Variants in BTAF1 observed in about 807,000 individuals in gnomAD.
BTAF1 encodes the protein TATA-binding protein-associated factor 172.
A neutral mutation model predicts 227.1 loss-of-function variants in BTAF1; 38 were observed. That is an observed-to-expected ratio of 0.17 (90% CI 0.13 to 0.22). The LOEUF is 0.22. Among genes scored for constraint, BTAF1 ranks in the 10% least tolerant of loss-of-function variants. The pLI is 1.00. For synonymous variants in BTAF1, 742 were observed against 751.9 expected (o/e 0.99, Z 0.21); for missense variants, 1,598 against 2,204.0 (o/e 0.73, Z 5.51).
Position 91,923,897 on chromosome 10 carries a change from A to T in BTAF1, c.-180A>T. Reference sequence around the variant, plus strand: ...CCCCTGCTTACCGGCCGCCGCGGGGACGAGCTCGGGTAGGCGGCAGGGCAG... The same window carrying T: ...CCCCTGCTTACCGGCCGCCGCGGGGTCGAGCTCGGGTAGGCGGCAGGGCAG... On this transcript the variant is annotated 5_prime_UTR_variant, in exon 1 of 38. Transcript: ENST00000265990. The T allele has an allele frequency of 1.6e-6, 1 of 626,818 alleles. No individual in the cohort carries two copies. Among genetic ancestry groups the T allele is most frequent in the Non-Finnish European group, 2.5e-6 (1 of 405,396 alleles). The allele number at this position is 626,818 out of a possible 1,614,324, so 38.8% of individuals were successfully genotyped here. A position where few individuals can be genotyped will look rare whatever the true frequency, so the allele number is the denominator to read the frequency against.
chr10:92,009,107 G>C lies in BTAF1; in HGVS notation c.4002G>C (p.Pro1334=), dbSNP rs757434809. Residue 1334 remains proline, a synonymous_variant, in exon 28 of 38, where the codon CCG becomes CCC. Coordinates refer to ENST00000265990, the MANE Select transcript of BTAF1 (RefSeq NM_003972.3). ...CACTTCCTTCCTTAGTGGTTTGTCC[G>C]CCAACATTAACAGGCCATTGGGTGG... ...CMPLPSLVVC[P]PTLTGHWVDE... is the part of the protein sequence containing the mutation. The C allele has an allele frequency of 1.9e-6, 3 of 1,613,958 alleles. No homozygotes were observed. In the African/African-American group the frequency reaches 4.0e-5, roughly 22 times the overall value.
At chr10:91,988,413 ATACATTG>A (rs1848548534) in intron 19 of BTAF1, among the ~76,000 whole-genome samples, 2 of 152,188 alleles carry the variant, frequency 1.3e-5, no homozygotes, top group South Asian at 4.1e-4. Flanking sequence ...AATAAATCTT[ATACATTG>A]TACATTTCAA....
At chr10:91,968,086 C>A (rs371100403) in intron 14 of BTAF1, among the ~76,000 whole-genome samples, 2 of 152,282 alleles carry the variant, frequency 1.3e-5, no homozygotes, top group East Asian at 3.9e-4. Flanking sequence ...GTTCACTCTT[C>A]TGTACATTTT....
chr10:92,016,455 A>G lies in BTAF1; in HGVS notation c.4700A>G (p.His1567Arg). The G allele has an allele frequency of 6.4e-7, 1 of 1,565,550 alleles. No homozygotes were observed. The highest frequency in any genetic ancestry group is 8.6e-7 in the Non-Finnish European group (1 of 1,164,050). The stretch of plus-strand genomic sequence containing the variant: ...AAACCAAAGCTTAAAGCTACAGGCC[A>G]CGTATTCCAGGTATAGATTACATTC... ...TEKPKLKATGHVFQALQYLRK... is the reference protein window; with the variant it reads ...TEKPKLKATGRVFQALQYLRK... The change falls in exon 33 of 38, where the codon CAC (histidine) becomes CGC (arginine). Residue 1567 changes from histidine to arginine, a missense_variant. His to Arg is a conservative substitution (Grantham distance 29). Around this residue, in one of 10 missense-constraint regions of BTAF1, gnomAD observed 205 missense variants for 244.5 expected, o/e 0.84. Coordinates refer to ENST00000265990, the MANE Select transcript of BTAF1 (RefSeq NM_003972.3).
chr10:92,019,740 T>C (rs1412838887), intron 34 of BTAF1, among the ~76,000 whole-genome samples: 1 of 152,232 alleles, frequency 6.6e-6, no homozygotes, highest in African/African-American at 2.4e-5. Flanking sequence ...GATTTGCTAT[T>C]CCCTAATGAC....
At chr10:91,964,501 C>A (rs1447023491) in intron 13 of BTAF1, among the ~76,000 whole-genome samples, 1 of 151,974 alleles carries the variant, frequency 6.6e-6, no homozygotes, top group Non-Finnish European at 1.5e-5. Context: ...CAGTTCTAGT[C>A]CTAGAACGTA....
At chr10:92,026,806 C>T in intron 36 of BTAF1, 55 bp downstream of exon 36, 3 of 1,541,154 alleles carry the variant, frequency 1.9e-6, no homozygotes, top group Non-Finnish European at 2.6e-6. Context: ...ATATACTCCC[C>T]CAGAAAGATA....
chr10:92,014,265 G>A (rs1257598313), intron 32 of BTAF1, among the ~76,000 whole-genome samples: 1 of 151,962 alleles, frequency 6.6e-6, no homozygotes, highest in African/African-American at 2.4e-5. Context: ...GTCTTACTCT[G>A]TCACCCAAGC....
At chr10:91,964,300 A>G (rs1226543807) in intron 13 of BTAF1, 99 bp downstream of exon 13, 8 of 1,357,996 alleles carry the variant, frequency 5.9e-6, no homozygotes, top group African/African-American at 1.5e-5. Flanking sequence ...CTTTAAGAAT[A>G]ATATTATTTA....
intron 25 of BTAF1, among the ~76,000 whole-genome samples, chr10:92,002,311 G>C (rs144720162): frequency 1.3e-5 from 2 of 152,264 alleles, no homozygotes; most frequent in East Asian, 3.9e-4. Context: ...AATGCATGTT[G>C]TCAAAGAATC....
Position 91,992,233 on chromosome 10 carries a change from C to A in BTAF1, c.2969C>A (p.Thr990Asn), listed in dbSNP as rs1848838899. 6.2e-7 allele frequency: 1 copy of A among 1,613,724 alleles called. No individual in the cohort carries two copies. The highest frequency in any genetic ancestry group is 1.1e-5 in the South Asian group (1 of 91,060). Reference sequence around the variant, plus strand: ...GCTATCACAAGTAGGCGAGGTCCTACCCCCAAAGCAGTAAAAGCTCAAATA... The same window carrying A: ...GCTATCACAAGTAGGCGAGGTCCTAACCCCAAAGCAGTAAAAGCTCAAATA... The part of the protein sequence containing the change: ...AFAITSRRGP[T>N]PKAVKAQIAD... Residue 990 changes from threonine (T) to asparagine (N), a missense_variant, in exon 21 of 38, where the codon ACC (threonine) becomes AAC (asparagine). By Grantham distance (65) the Thr-to-Asn change is moderately conservative. Transcript: ENST00000265990.
At chr10:92,000,473 A>G (rs1158971839) in intron 25 of BTAF1, among the ~76,000 whole-genome samples, 1 of 152,192 alleles carries the variant, frequency 6.6e-6, no homozygotes, top group Admixed American at 6.5e-5. Flanking sequence ...GTGCGCCAAA[A>G]TAGAGCTCAC....
At position 91,995,423 on chromosome 10, in the gene BTAF1, T is replaced by A. The variant is rs575091122; in HGVS notation, c.3309+779T>A. ...CGGGCGTGGTGGCTTACACCTGTAATCCCAGCACTTTGGGAGGCCGAGGTG... is the reference window on the plus strand; with the variant it reads ...CGGGCGTGGTGGCTTACACCTGTAAACCCAGCACTTTGGGAGGCCGAGGTG... On this transcript the variant is annotated intron_variant, in intron 23 of 37. Transcript: ENST00000265990. 5.6e-4 allele frequency among the ~76,000 whole-genome samples: 86 copies of A among 152,232 alleles called. 1 individual carries two copies. In the South Asian group the frequency reaches 9.3e-3, roughly 17 times the overall value.
intron 2 of BTAF1, among the ~76,000 whole-genome samples, chr10:91,939,460 CAG>C (rs1291610729): frequency 6.6e-6 from 1 of 152,104 alleles, no homozygotes; most frequent in Non-Finnish European, 1.5e-5. Context: ...CTTTTTGAGA[CAG>C]AGTTTTGCTC....
chr10:91,958,371 A>T (rs1846245813), intron 8 of BTAF1, among the ~76,000 whole-genome samples: 1 of 151,900 alleles, frequency 6.6e-6, no homozygotes, highest in African/African-American at 2.4e-5. Flanking sequence ...CTTAGTTTTG[A>T]TGCACATATT....
chr10:92,016,532 G>C, intron 33 of BTAF1, 67 bp downstream of exon 33: 1 of 1,368,726 alleles, frequency 7.3e-7, no homozygotes, highest in East Asian at 2.7e-5. Context: ...AGGCTAGAGT[G>C]CAGTGGCATG....
intron 31 of BTAF1, 34 bp from the exon 32 acceptor site, chr10:92,013,865 T>G: frequency 6.2e-7 from 1 of 1,612,930 alleles, no homozygotes; most frequent in Non-Finnish European, 8.5e-7. Context: ...ATTCTTAACT[T>G]TTTTGAAGCC....
chr10:91,960,076 A>G lies in BTAF1; in HGVS notation c.1185A>G (p.Leu395=), dbSNP rs779943376. ...TTCATAAGACTGTGGATGTGCTGCT[A>G]AAATTACTTACACAAGAACAATGGG... ...TGVHKTVDVL[L]KLLTQEQWEV... The change falls in exon 11 of 38, where the codon CTA becomes CTG. Residue 395 remains leucine, a synonymous_variant. Coordinates refer to ENST00000265990, the MANE Select transcript of BTAF1 (RefSeq NM_003972.3). 23 of 1,613,952 alleles carry G rather than the reference A, an allele frequency of 1.4e-5. No homozygotes were observed. The highest frequency in any genetic ancestry group is 3.3e-4 in the Middle Eastern group (2 of 6,062).
intron 14 of BTAF1, among the ~76,000 whole-genome samples, chr10:91,970,596 T>C (rs1441531922): frequency 1.3e-5 from 2 of 152,198 alleles, no homozygotes; most frequent in Non-Finnish European, 2.9e-5. Flanking sequence ...ACTCCGTGAT[T>C]CACTTATCTC....
Sources: gnomAD v4.1 joint callset for allele counts (sites outside exome capture counted in the v4.1 genomes callset) on GRCh38, gnomAD v4.1.1 for gene constraint, gnomAD v4.1.1 regional missense constraint, MANE v1.5 for transcripts, NCBI Gene and HGNC (gene_info 2026-07-23, HGNC 2026-07-21) for gene names.